ZNF385C: variants seen among roughly 807,000 people sequenced by gnomAD.
ZNF385C encodes the protein zinc finger protein 385C.
A neutral mutation model predicts 35.4 loss-of-function variants in ZNF385C; 28 were observed. The observed-to-expected ratio is 0.79, with a 90% CI of 0.59 to 1.08. The LOEUF is 1.08. ZNF385C is among the 50% of genes least tolerant of loss of function. The pLI is 0.00. For missense variants in ZNF385C, 605 were observed against 595.6 expected, an observed-to-expected ratio of 1.02 and a Z score of -0.16; for synonymous variants, 248 against 248.2, an observed-to-expected ratio of 1.00 and a Z score of 0.01.
chr17:42,083,543 G>A (rs2053771855), intron 1 of ZNF385C, among the ~76,000 whole-genome samples: 1 of 151,724 alleles, frequency 6.6e-6, no homozygotes, highest in Admixed American at 6.6e-5. Context: ...CACACTACAG[G>A]AGGTCTTTGT....
At chr17:42,040,705 GC>G in intron 2 of ZNF385C, 3 of 1,232,326 alleles carry the variant, frequency 2.4e-6, no homozygotes, top group Non-Finnish European at 3.0e-6. Context: ...CAAGTCAATA[GC>G]TGCAAGGTCC....
Position 42,039,452 on chromosome 17 carries a change from G to A in ZNF385C, c.251-1567C>T, listed in dbSNP as rs746421670. 6.4e-4 allele frequency: 240 copies of A among 373,398 alleles called. 1 individual carries two copies. The highest frequency in any genetic ancestry group is 9.8e-4 in the Non-Finnish European group (207 of 210,772). The allele number at this position is 373,398 out of a possible 1,614,324, so 23.1% of individuals were successfully genotyped here. On this transcript the variant is annotated intron_variant, in intron 2 of 8. Coordinates refer to ENST00000692273, the MANE Select transcript of ZNF385C (RefSeq NM_001392013.1). ...TCCTCATCTAACTGTGTAAAGGCCAGGAATGATTTAGGGTACCCCAGATCC... is the reference window on the plus strand; with the variant it reads ...TCCTCATCTAACTGTGTAAAGGCCAAGAATGATTTAGGGTACCCCAGATCC...
intron 2 of ZNF385C, among the ~76,000 whole-genome samples, chr17:42,056,026 G>C (rs1555657535): frequency 1.3e-5 from 2 of 152,172 alleles, no homozygotes; most frequent in African/African-American, 4.8e-5. Flanking sequence ...CTGCTAACCT[G>C]TCCCCCGTAC....
chr17:42,045,084 A>AT lies in ZNF385C; in HGVS notation c.251-7200dup, dbSNP rs1218900400. Among the ~76,000 whole-genome samples the AT allele has an allele frequency of 6.6e-5, 10 of 152,222 alleles. No individual in the cohort carries two copies. In the East Asian group the frequency reaches 1.4e-3, roughly 21 times the overall value. ...AGGCACCCGCCATCACGCCCGGCTA[A>AT]TTTTTTGTATTTTTAGTGGAGACGG... On this transcript the variant is annotated intron_variant, in intron 2 of 8. Transcript: ENST00000692273.
At chr17:42,093,433 C>T (rs2053883511) in intron 1 of ZNF385C, among the ~76,000 whole-genome samples, 1 of 152,148 alleles carries the variant, frequency 6.6e-6, no homozygotes, top group Non-Finnish European at 1.5e-5. Flanking sequence ...GACTCTGGAC[C>T]CCCAGCCCTG....
chr17:42,075,877 C>T (rs2053679624), intron 1 of ZNF385C, among the ~76,000 whole-genome samples: 1 of 152,190 alleles, frequency 6.6e-6, no homozygotes, highest in Non-Finnish European at 1.5e-5. Context: ...TCTCTGCCCT[C>T]CTCTGTGAAT....
intron 2 of ZNF385C, among the ~76,000 whole-genome samples, chr17:42,045,160 G>A (rs781923827): frequency 5.3e-5 from 8 of 152,030 alleles, no homozygotes; most frequent in Non-Finnish European, 1.2e-4. Flanking sequence ...CTTGTGATCC[G>A]TCCGCCTCGG....
chr17:42,087,957 A>C (rs1385749311), intron 1 of ZNF385C, among the ~76,000 whole-genome samples: 6 of 152,220 alleles, frequency 3.9e-5, no homozygotes, highest in Non-Finnish European at 8.8e-5. Flanking sequence ...CAGTCTGACA[A>C]AACTGTTTTA....
chr17:42,030,378 C>T (rs1227728633), intron 5 of ZNF385C, among the ~76,000 whole-genome samples: 1 of 152,142 alleles, frequency 6.6e-6, no homozygotes, highest in Non-Finnish European at 1.5e-5. Flanking sequence ...GTCCCAGCTA[C>T]TTGGAAGGCT....
chr17:42,037,425 T>A (rs2052883774), intron 3 of ZNF385C, among the ~76,000 whole-genome samples: 1 of 145,708 alleles, frequency 6.9e-6, no homozygotes, highest in South Asian at 2.1e-4. Flanking sequence ...ACACACGTCA[T>A]CCACAGGAGC....
intron 1 of ZNF385C, among the ~76,000 whole-genome samples, chr17:42,067,349 A>C (rs1189196386): frequency 6.6e-6 from 1 of 152,128 alleles, no homozygotes; most frequent in Non-Finnish European, 1.5e-5. Context: ...CTAACAAACT[A>C]ACGCGCCATA....
At chr17:42,079,047 A>C (rs557296691) in intron 1 of ZNF385C, among the ~76,000 whole-genome samples, 22 of 151,900 alleles carry the variant, frequency 1.4e-4, no homozygotes, top group African/African-American at 5.3e-4. Context: ...ATTAAATAAG[A>C]TAACAGAATA....
intron 1 of ZNF385C, among the ~76,000 whole-genome samples, chr17:42,097,929 A>G (rs1326398806): frequency 6.6e-6 from 1 of 152,196 alleles, no homozygotes; most frequent in Admixed American, 6.5e-5. Flanking sequence ...CCTGGGGCTC[A>G]TTAGAAAATC....
intron 2 of ZNF385C, among the ~76,000 whole-genome samples, chr17:42,041,845 G>A (rs1331670349): frequency 6.6e-6 from 1 of 152,096 alleles, no homozygotes; most frequent in Non-Finnish European, 1.5e-5. Context: ...TGCTTCCAGG[G>A]GCCATGTGAG....
At chr17:42,027,168 A>AC (rs2052602056) in intron 8 of ZNF385C, 35 bp from the exon 9 acceptor site, 1 of 1,579,120 alleles carries the variant, frequency 6.3e-7, no homozygotes, top group Non-Finnish European at 8.7e-7. Context: ...CACAGTCTCC[A>AC]CCCCAGAAAA....
At chr17:42,056,653 CT>C (rs1202152159) in intron 2 of ZNF385C, among the ~76,000 whole-genome samples, 2 of 152,134 alleles carry the variant, frequency 1.3e-5, no homozygotes, top group Non-Finnish European at 2.9e-5. Flanking sequence ...CCATAATTCC[CT>C]CATGTTGTGG....
chr17:42,064,289 G>A (rs1398296368), intron 1 of ZNF385C, among the ~76,000 whole-genome samples: 6 of 152,126 alleles, frequency 3.9e-5, no homozygotes, highest in South Asian at 2.1e-4. Flanking sequence ...GGAAATCTGC[G>A]TGCATGCTTC....
chr17:42,042,036 A>G (rs75771390), intron 2 of ZNF385C, among the ~76,000 whole-genome samples: 17,213 of 152,158 alleles, frequency 0.11, 1,138 homozygotes, highest in African/African-American at 0.17. Flanking sequence ...TTTTTCAAAA[A>G]CATTATGAAA....
chr17:42,039,454 A>G, intron 2 of ZNF385C: 1 of 375,192 alleles, frequency 2.7e-6, no homozygotes, highest in Non-Finnish European at 4.7e-6. Context: ...AAAGGCCAGG[A>G]ATGATTTAGG....
Sources: gnomAD v4.1 joint callset for allele counts (sites outside exome capture counted in the v4.1 genomes callset) on GRCh38, gnomAD v4.1.1 for gene constraint, MANE v1.5 for transcripts, NCBI Gene and HGNC (gene_info 2026-07-23, HGNC 2026-07-21) for gene names.